HPSE2: variants seen among roughly 807,000 people sequenced by gnomAD.
The protein encoded by HPSE2 is inactive heparanase-2.
HPSE2 carries 38 observed loss-of-function variants against 60.5 expected under a neutral mutation model. The ratio of observed to expected loss-of-function variants is 0.63; its 90% CI spans 0.48 to 0.82. The LOEUF is 0.82. Ranked by LOEUF, HPSE2 falls within the 40% of genes least tolerant of loss-of-function variation. The pLI, the probability that HPSE2 is intolerant of heterozygous loss-of-function variation, is 0.00. For synonymous variants in HPSE2, 295 were observed against 293.2 expected, an observed-to-expected ratio of 1.01 and a Z score of -0.06; for missense variants, 713 against 740.4, an observed-to-expected ratio of 0.96 and a Z score of 0.43.
At chr10:99,116,510 T>A (rs1381280772) in intron 3 of HPSE2, among the ~76,000 whole-genome samples, 4 of 152,110 alleles carry the variant, frequency 2.6e-5, no homozygotes, top group Non-Finnish European at 5.9e-5. Context: ...CACCTATCAA[T>A]GACGAGGATG....
chr10:99,232,252 CACACGAACACACAGACACACGA>C, intron 2 of HPSE2, 74 bp downstream of exon 2: 1 of 1,380,320 alleles, frequency 7.2e-7, no homozygotes, highest in Non-Finnish European at 1.0e-6. Context: ...CACACACACA[CACACGAACACACAGACACACGA>C]ACACACAGAT....
At chr10:98,468,403 TC>T (rs112183298) in intron 11 of HPSE2, among the ~76,000 whole-genome samples, 69,461 of 151,748 alleles carry the variant, frequency 0.46, 16,185 homozygotes, top group East Asian at 0.51. Context: ...GGCAATTACT[TC>T]AAGTGTGTCC....
chr10:98,876,415 A>G (rs1952879014), intron 3 of HPSE2, among the ~76,000 whole-genome samples: 1 of 151,872 alleles, frequency 6.6e-6, no homozygotes, highest in African/African-American at 2.4e-5. Flanking sequence ...GTTCCATGGA[A>G]ATACTCTAAA....
At chr10:98,548,069 A>G (rs1291609375) in intron 9 of HPSE2, among the ~76,000 whole-genome samples, 1 of 152,198 alleles carries the variant, frequency 6.6e-6, no homozygotes, top group Admixed American at 6.5e-5. Flanking sequence ...CTTGTCTTCC[A>G]AAGCTGATGG....
At chr10:98,701,557 G>T (rs1383973514) in intron 5 of HPSE2, among the ~76,000 whole-genome samples, 1 of 151,096 alleles carries the variant, frequency 6.6e-6, no homozygotes, top group African/African-American at 2.4e-5. Flanking sequence ...GAGTCAATGG[G>T]TGCAGCACAC....
At chr10:98,463,459 A>G (rs1030759602) in intron 11 of HPSE2, among the ~76,000 whole-genome samples, 9 of 152,256 alleles carry the variant, frequency 5.9e-5, no homozygotes, top group Non-Finnish European at 1.3e-4. Context: ...ATATTTCTCA[A>G]TGAAAATGTA....
chr10:98,658,474 AGGATTGGTAAATATCTTCTCTCAGTTC>A (rs1947136242), intron 6 of HPSE2, among the ~76,000 whole-genome samples: 1 of 152,234 alleles, frequency 6.6e-6, no homozygotes, highest in Admixed American at 6.5e-5. Context: ...CATGATGGGC[AGGATTGGTAAATATCTTCTCTCAGTTC>A]GTGACTTGAT....
At chr10:98,554,537 C>CCATCTTGT (rs530803100) in intron 9 of HPSE2, among the ~76,000 whole-genome samples, 103 of 152,314 alleles carry the variant, frequency 6.8e-4, no homozygotes, top group African/African-American at 2.3e-3. Flanking sequence ...GTCGGAGACT[C>CCATCTTGT]CATCTTGTCT....
chr10:99,235,333 T>C (rs1345618620), intron 1 of HPSE2, among the ~76,000 whole-genome samples, 180 bp downstream of exon 1: 2 of 152,190 alleles, frequency 1.3e-5, no homozygotes, highest in Non-Finnish European at 2.9e-5. Flanking sequence ...AACATTGCTT[T>C]TCTCAATCAC....
chr10:99,149,818 A>G (rs1392539747), intron 2 of HPSE2, among the ~76,000 whole-genome samples: 1 of 152,152 alleles, frequency 6.6e-6, no homozygotes, highest in Non-Finnish European at 1.5e-5. Flanking sequence ...CTAATTTACC[A>G]AATAATCATA....
At chr10:99,114,935 G>A (rs982969702) in intron 3 of HPSE2, among the ~76,000 whole-genome samples, 1 of 150,312 alleles carries the variant, frequency 6.7e-6, no homozygotes, top group Non-Finnish European at 1.5e-5. Flanking sequence ...AGAAGAAGAA[G>A]AACATGACCA....
intron 11 of HPSE2, among the ~76,000 whole-genome samples, chr10:98,475,120 A>ATTTTTT (rs56097343): frequency 7.1e-6 from 1 of 141,342 alleles, no homozygotes; most frequent in Non-Finnish European, 1.5e-5. Flanking sequence ...CCACAATTCT[A>ATTTTTT]TTTTTTTTTT....
intron 3 of HPSE2, among the ~76,000 whole-genome samples, chr10:99,062,371 C>A (rs1189680926): frequency 6.6e-6 from 1 of 152,192 alleles, no homozygotes; most frequent in East Asian, 1.9e-4. Context: ...CTGCCCACAA[C>A]TAGTTCTCAG....
intron 3 of HPSE2, among the ~76,000 whole-genome samples, chr10:98,797,717 G>A (rs752708179): frequency 9.9e-5 from 15 of 152,056 alleles, no homozygotes; most frequent in South Asian, 2.1e-4. Context: ...GGTGGTGGGC[G>A]TCTGTAGTCC....
intron 2 of HPSE2, among the ~76,000 whole-genome samples, chr10:99,208,207 C>T (rs543590243): frequency 2.5e-4 from 38 of 151,648 alleles, no homozygotes; most frequent in East Asian, 1.7e-3. Context: ...AACTATTGTA[C>T]ACAAAAGATC....
chr10:98,555,706 T>C (rs1359727444), intron 9 of HPSE2, among the ~76,000 whole-genome samples: 16 of 152,224 alleles, frequency 1.1e-4, no homozygotes, highest in Admixed American at 9.8e-4. Flanking sequence ...ATTTTGGTTT[T>C]TAAAACTGTG....
At chr10:99,234,234 T>C (rs1238877653) in intron 1 of HPSE2, among the ~76,000 whole-genome samples, 1 of 152,132 alleles carries the variant, frequency 6.6e-6, no homozygotes, top group Non-Finnish European at 1.5e-5. Flanking sequence ...AGCTACAGCC[T>C]CTCAGTCCTC....
At chr10:98,673,973 T>C (rs1028443434) in intron 6 of HPSE2, among the ~76,000 whole-genome samples, 24 of 152,316 alleles carry the variant, frequency 1.6e-4, no homozygotes, top group African/African-American at 4.3e-4. Context: ...GGAAATCTTA[T>C]TAAAATACAG....
intron 6 of HPSE2, among the ~76,000 whole-genome samples, chr10:98,689,325 T>G (rs1270092796): frequency 6.6e-6 from 1 of 152,224 alleles, no homozygotes. Flanking sequence ...TAATTTCTGT[T>G]GCTCAGTATG....
Sources: gnomAD v4.1 joint callset for allele counts (sites outside exome capture counted in the v4.1 genomes callset) on GRCh38, gnomAD v4.1.1 for gene constraint, MANE v1.5 for transcripts, NCBI Gene and HGNC (gene_info 2026-07-23, HGNC 2026-07-21) for gene names.